Variants in RBFOX1 observed in about 807,000 individuals in gnomAD.
RBFOX1 encodes RNA binding fox-1 homolog 1, also known as RNA binding protein fox-1 homolog 1.
Under a neutral mutation model 57.7 loss-of-function variants are expected in RBFOX1, and 8 were observed. The observed-to-expected ratio is 0.14, with a 90% CI of 0.08 to 0.25. The LOEUF (loss-of-function observed/expected upper bound fraction) is 0.25, where lower values mean the gene tolerates loss of function less well. Among genes scored for constraint, RBFOX1 ranks in the 10% least tolerant of loss-of-function variants. RBFOX1 has a pLI of 1.00. For synonymous variants in RBFOX1, 326 were observed against 222.4 expected (o/e 1.47, Z -4.15); for missense variants, 611 against 548.5 (o/e 1.11, Z -1.14).
At chr16:6,816,567 C>G (rs1404409051) in intron 3 of RBFOX1, among the ~76,000 whole-genome samples, 2 of 151,540 alleles carry the variant, frequency 1.3e-5, no homozygotes, top group Non-Finnish European at 2.9e-5. Flanking sequence ...CAGTGAAACC[C>G]CGTCTCTACT....
chr16:6,891,707 T>C (rs2065465659), intron 3 of RBFOX1, among the ~76,000 whole-genome samples: 1 of 152,200 alleles, frequency 6.6e-6, no homozygotes, highest in Non-Finnish European at 1.5e-5. Flanking sequence ...ACATTTACTT[T>C]TATTCATCTG....
chr16:5,293,134 A>C (rs1292401680), intron 1 of RBFOX1, among the ~76,000 whole-genome samples: 1 of 151,894 alleles, frequency 6.6e-6, no homozygotes, highest in Non-Finnish European at 1.5e-5. Context: ...CAAACTGGGC[A>C]ACATGACGAG....
intron 14 of RBFOX1, among the ~76,000 whole-genome samples, chr16:7,683,399 T>G (rs1033476807): frequency 4.0e-5 from 6 of 151,894 alleles, no homozygotes; most frequent in African/African-American, 1.4e-4. Context: ...CTAATTGCCT[T>G]TGGTCCATAA....
intron 1 of RBFOX1, among the ~76,000 whole-genome samples, chr16:5,400,073 C>T (rs529050765): frequency 2.5e-4 from 38 of 151,980 alleles, no homozygotes; most frequent in South Asian, 1.5e-3. Context: ...TGCTTTTCTT[C>T]TTTCCTTTTC....
intron 3 of RBFOX1, among the ~76,000 whole-genome samples, chr16:6,907,003 C>T (rs939490826): frequency 5.3e-5 from 8 of 152,118 alleles, no homozygotes; most frequent in African/African-American, 1.7e-4. Context: ...GGATTACAGG[C>T]ATGAGCCACC....
intron 1 of RBFOX1, among the ~76,000 whole-genome samples, chr16:6,235,198 AC>A (rs1352000585): frequency 6.6e-6 from 1 of 151,972 alleles, no homozygotes; most frequent in African/African-American, 2.4e-5. Flanking sequence ...GGCTCTGCTG[AC>A]CTGTCCACCT....
At chr16:6,412,601 C>T (rs2093494447) in intron 2 of RBFOX1, among the ~76,000 whole-genome samples, 1 of 152,210 alleles carries the variant, frequency 6.6e-6, no homozygotes, top group African/African-American at 2.4e-5. Context: ...ATACATTTTA[C>T]ATTGAGGCAG....
chr16:6,493,516 A>G (rs1413745908), intron 2 of RBFOX1, among the ~76,000 whole-genome samples: 1 of 152,156 alleles, frequency 6.6e-6, no homozygotes, highest in South Asian at 2.1e-4. Context: ...TCTGTGGGTC[A>G]TTTCATCTTC....
At chr16:6,526,954 C>G (rs1284079169) in intron 2 of RBFOX1, among the ~76,000 whole-genome samples, 2 of 151,378 alleles carry the variant, frequency 1.3e-5, no homozygotes, top group African/African-American at 4.9e-5. Flanking sequence ...AATAAATCAC[C>G]CAAGATCACA....
chr16:7,111,101 G>C (rs1359869631), intron 4 of RBFOX1, among the ~76,000 whole-genome samples: 1 of 152,150 alleles, frequency 6.6e-6, no homozygotes, highest in Non-Finnish European at 1.5e-5. Context: ...ACTATGTCGA[G>C]ACATGTGGCC....
intron 3 of RBFOX1, among the ~76,000 whole-genome samples, chr16:6,901,802 A>G (rs1438137546): frequency 6.6e-6 from 1 of 152,222 alleles, no homozygotes; most frequent in Non-Finnish European, 1.5e-5. Flanking sequence ...GAAGAGACAT[A>G]ATACTTCACT....
chr16:6,629,994 C>T (rs1264232991), intron 2 of RBFOX1, among the ~76,000 whole-genome samples: 3 of 138,886 alleles, frequency 2.2e-5, no homozygotes, highest in Admixed American at 7.3e-5. Flanking sequence ...AAGACCATTG[C>T]TTTCAGAAGG....
intron 1 of RBFOX1, among the ~76,000 whole-genome samples, chr16:6,240,381 C>G (rs1217254353): frequency 6.6e-6 from 1 of 152,080 alleles, no homozygotes; most frequent in Non-Finnish European, 1.5e-5. Context: ...TGGCTTTCAT[C>G]TCTGGATGGT....
intron 4 of RBFOX1, among the ~76,000 whole-genome samples, chr16:7,460,752 GAATAGATA>G (rs1250446937): frequency 6.6e-6 from 1 of 151,778 alleles, no homozygotes; most frequent in East Asian, 1.9e-4. Flanking sequence ...ATGAATGAAT[GAATAGATA>G]AATAAATAAA....
intron 11 of RBFOX1, among the ~76,000 whole-genome samples, chr16:7,652,894 A>G (rs1432407406): frequency 6.6e-6 from 1 of 152,212 alleles, no homozygotes; most frequent in Non-Finnish European, 1.5e-5. Context: ...GAATACTTCA[A>G]TTAGAAGTTT....
At chr16:7,123,353 A>T (rs868573016) in intron 4 of RBFOX1, among the ~76,000 whole-genome samples, 20 of 152,036 alleles carry the variant, frequency 1.3e-4, no homozygotes, top group African/African-American at 4.8e-4. Context: ...TAGAATTACC[A>T]TTGTTATTAT....
chr16:6,073,481 T>C (rs932013980), intron 1 of RBFOX1, among the ~76,000 whole-genome samples: 2 of 152,186 alleles, frequency 1.3e-5, no homozygotes, highest in Admixed American at 6.5e-5. Flanking sequence ...TATTATTTTT[T>C]CCAAGTGTAT....
chr16:6,119,667 T>C (rs1487390163), intron 1 of RBFOX1, among the ~76,000 whole-genome samples: 2 of 152,156 alleles, frequency 1.3e-5, no homozygotes, highest in Non-Finnish European at 2.9e-5. Context: ...TCTAAAACTG[T>C]CATTATTTAT....
chr16:7,170,305 C>T (rs149997131), intron 4 of RBFOX1, among the ~76,000 whole-genome samples: 152 of 152,298 alleles, frequency 1.0e-3, no homozygotes, highest in African/African-American at 3.4e-3. Context: ...TGGTGTCTTG[C>T]TCTGTCTTTC....
Sources: gnomAD v4.1 joint callset for allele counts (sites outside exome capture counted in the v4.1 genomes callset) on GRCh38, gnomAD v4.1.1 for gene constraint, MANE v1.5 for transcripts, NCBI Gene and HGNC (gene_info 2026-07-23, HGNC 2026-07-21) for gene names.